Variants in SYNE2 observed in about 807,000 individuals in gnomAD.
SYNE2 encodes the protein nesprin-2.
A neutral mutation model predicts 856.3 loss-of-function variants in SYNE2; 431 were observed. That is an observed-to-expected ratio of 0.50 (90% confidence interval 0.47 to 0.55). The LOEUF (loss-of-function observed/expected upper bound fraction) is 0.55, where lower values mean the gene tolerates loss of function less well. SYNE2 is among the 20% of genes least tolerant of loss of function. SYNE2 has a pLI of 0.00. For missense variants in SYNE2, 8,129 were observed against 8,023.2 expected, an observed-to-expected ratio of 1.01 and a Z score of -0.50; for synonymous variants, 2,923 against 2,872.3, an observed-to-expected ratio of 1.02 and a Z score of -0.56.
rs574362451 is a variant in SYNE2 at position 64,174,304 on chromosome 14, T to C, written c.17236-640T>C. ...CCAGGCTGGTCTCGAACCCCTGAGCTCAACTGATCTGCCTGTCTTGGCCTC... is the reference window on the plus strand; with the variant it reads ...CCAGGCTGGTCTCGAACCCCTGAGCCCAACTGATCTGCCTGTCTTGGCCTC... On this transcript the variant is annotated intron_variant, in intron 94 of 115. Transcript: ENST00000555002. Among the ~76,000 whole-genome samples the C allele has an allele frequency of 4.6e-5, 7 of 152,314 alleles. No individual in the cohort carries two copies. The East Asian group carries it at 1.2e-3, about 25-fold the overall frequency.
intron 97 of SYNE2, 139 bp downstream of exon 97, chr14:64,186,718 T>C: frequency 9.2e-7 from 1 of 1,087,394 alleles, no homozygotes. Context: ...CCGCTGCTCC[T>C]TTAGAAGGCA....
At chr14:64,024,617 A>C (rs2153537443) in intron 39 of SYNE2, among the ~76,000 whole-genome samples, 158 bp downstream of exon 39, 1 of 152,316 alleles carries the variant, frequency 6.6e-6, no homozygotes, top group East Asian at 1.9e-4. Flanking sequence ...AAATATAAAA[A>C]TTCGGGAAAA....
Position 64,162,062 on chromosome 14 carries a change from G to A in SYNE2, c.16095-10G>A, listed in dbSNP as rs139126909. ...GAATGAGGGTTATGTTATTTGCGTTGCACTGACAGGTGGACTCAGGTGAAC... is the reference window on the plus strand; with the variant it reads ...GAATGAGGGTTATGTTATTTGCGTTACACTGACAGGTGGACTCAGGTGAAC... On this transcript the variant is annotated splice_polypyrimidine_tract_variant and intron_variant, in intron 87 of 115. Transcript: ENST00000555002. 3.9e-4 allele frequency: 633 copies of A among 1,614,140 alleles called. 3 individuals carry two copies. The African/African-American group carries it at 7.5e-3, about 19-fold the overall frequency.
At chr14:63,932,375 T>C (rs2095769876) in intron 2 of SYNE2, among the ~76,000 whole-genome samples, 1 of 151,426 alleles carries the variant, frequency 6.6e-6, no homozygotes, top group Non-Finnish European at 1.5e-5. Context: ...AGAGTGAAAC[T>C]CCATCTCAAA....
At chr14:64,171,315 C>A (rs2098409514) in intron 94 of SYNE2, among the ~76,000 whole-genome samples, 1 of 152,236 alleles carries the variant, frequency 6.6e-6, no homozygotes, top group African/African-American at 2.4e-5. Context: ...TGAGTACCTT[C>A]TCTGTGCCAA....
At chr14:63,957,421 A>T (rs982610418) in intron 8 of SYNE2, among the ~76,000 whole-genome samples, 1 of 151,734 alleles carries the variant, frequency 6.6e-6, no homozygotes, top group Non-Finnish European at 1.5e-5. Flanking sequence ...GGTGTGTGCC[A>T]CTGTGCCTGG....
At chr14:64,023,712 G>A (rs1300371808) in intron 38 of SYNE2, 3 of 184,552 alleles carry the variant, frequency 1.6e-5, no homozygotes, top group East Asian at 1.4e-4. Flanking sequence ...TTACTTTAAT[G>A]TTTTGATGAT....
intron 1 of SYNE2, among the ~76,000 whole-genome samples, chr14:63,884,934 C>A (rs2094949322): frequency 6.6e-6 from 1 of 152,078 alleles, no homozygotes; most frequent in Non-Finnish European, 1.5e-5. Context: ...GCCACCGCAC[C>A]CGGCCGCCTT....
intron 84 of SYNE2, among the ~76,000 whole-genome samples, chr14:64,147,920 G>T (rs2098201686): frequency 6.6e-6 from 1 of 152,156 alleles, no homozygotes; most frequent in Non-Finnish European, 1.5e-5. Flanking sequence ...TCAAGTAGGG[G>T]TGGAAATTAT....
chr14:63,975,666 G>T (rs376064644), intron 11 of SYNE2, among the ~76,000 whole-genome samples: 158 of 152,242 alleles, frequency 1.0e-3, no homozygotes, highest in African/African-American at 3.7e-3. Context: ...GTACCCTTCA[G>T]ATTATATGTT....
intron 2 of SYNE2, among the ~76,000 whole-genome samples, chr14:63,921,140 T>C (rs2095596040): frequency 6.6e-6 from 1 of 151,232 alleles, no homozygotes; most frequent in Non-Finnish European, 1.5e-5. Context: ...GAAAAAATGA[T>C]AGATTTATTC....
chr14:64,156,723 T>G (rs1489909180), intron 85 of SYNE2, among the ~76,000 whole-genome samples: 2 of 152,020 alleles, frequency 1.3e-5, no homozygotes, highest in African/African-American at 4.8e-5. Context: ...CCTCCCAAAG[T>G]GCTGGGATTA....
At chr14:63,876,290 G>A (rs1269785334) in intron 1 of SYNE2, among the ~76,000 whole-genome samples, 1 of 149,686 alleles carries the variant, frequency 6.7e-6, no homozygotes, top group Non-Finnish European at 1.5e-5. Flanking sequence ...GTTGGCACAC[G>A]CCTGTAATTC....
chr14:64,039,865 A>C (rs1020801146), intron 45 of SYNE2, among the ~76,000 whole-genome samples: 40 of 152,236 alleles, frequency 2.6e-4, no homozygotes, highest in African/African-American at 9.6e-4. Flanking sequence ...ATACTCCAGA[A>C]TAGACACGGG....
chr14:63,868,543 G>C (rs1896037621), intron 1 of SYNE2, among the ~76,000 whole-genome samples: 1 of 151,140 alleles, frequency 6.6e-6, no homozygotes, highest in Admixed American at 6.6e-5. Context: ...CAAATACCTA[G>C]GTGAAAAGGA....
intron 96 of SYNE2, among the ~76,000 whole-genome samples, 186 bp downstream of exon 96, chr14:64,177,669 T>C (rs1224297732): frequency 2.0e-5 from 3 of 152,220 alleles, no homozygotes; most frequent in African/African-American, 7.2e-5. Context: ...TTTACGATTG[T>C]TGTTTGAAGA....
chr14:63,784,638 G>T (rs1887445564), intron 1 of SYNE2, among the ~76,000 whole-genome samples: 1 of 151,974 alleles, frequency 6.6e-6, no homozygotes, highest in Non-Finnish European at 1.5e-5. Flanking sequence ...GGGATTACAG[G>T]AATGAGCCAT....
intron 92 of SYNE2, among the ~76,000 whole-genome samples, 158 bp downstream of exon 92, chr14:64,167,797 T>C (rs917654760): frequency 6.6e-6 from 1 of 152,188 alleles, no homozygotes; most frequent in African/African-American, 2.4e-5. Flanking sequence ...ATTTGTAAAA[T>C]TCTTGTACGT....
chr14:63,953,437 AG>A (rs1449460578), intron 7 of SYNE2, among the ~76,000 whole-genome samples: 1 of 152,224 alleles, frequency 6.6e-6, no homozygotes, highest in African/African-American at 2.4e-5. Context: ...AGAAGCAGGC[AG>A]GGGCCAAATC....
Sources: allele counts gnomAD v4.1 joint callset (sites outside exome capture counted in the v4.1 genomes callset), GRCh38; gene constraint gnomAD v4.1.1; transcripts MANE v1.5; gene names NCBI Gene and HGNC (gene_info 2026-07-23, HGNC 2026-07-21).